The following HADHA variants were observed in gnomAD, a reference collection of about 807,000 sequenced individuals.
HADHA encodes the protein hydroxyacyl-CoA dehydrogenase trifunctional multienzyme complex subunit alpha, also known as trifunctional enzyme subunit alpha, mitochondrial.
HADHA carries 59 observed loss-of-function variants against 91.3 expected under a neutral mutation model. The ratio of observed to expected loss-of-function variants is 0.65; its 90% confidence interval spans 0.52 to 0.80. The LOEUF (loss-of-function observed/expected upper bound fraction) is 0.80, where lower values mean the gene tolerates loss of function less well. Among genes scored for constraint, HADHA ranks in the 30% least tolerant of loss-of-function variants. The pLI is 0.00. For synonymous variants in HADHA, 320 were observed against 338.9 expected (o/e 0.94, Z 0.61); for missense variants, 800 against 927.6 (o/e 0.86, Z 1.79).
chr2:26,216,009 C>G (rs1670210566), intron 7 of HADHA, among the ~76,000 whole-genome samples: 1 of 152,214 alleles, frequency 6.6e-6, no homozygotes, highest in Non-Finnish European at 1.5e-5. Context: ...AGAACAAGTA[C>G]AGTGGTTCAT....
chr2:26,193,125 CG>C (rs1368672521), intron 17 of HADHA, among the ~76,000 whole-genome samples: 2 of 151,758 alleles, frequency 1.3e-5, no homozygotes, highest in Middle Eastern at 6.3e-3. Context: ...TGGTAAAGCC[CG>C]GATGCAGAGC....
intron 10 of HADHA, among the ~76,000 whole-genome samples, chr2:26,211,560 A>C (rs558694247): frequency 6.6e-6 from 1 of 152,340 alleles, no homozygotes; most frequent in African/African-American, 2.4e-5. Flanking sequence ...AATTAATTTC[A>C]TGTTTAGACT....
chr2:26,195,310 A>G, intron 14 of HADHA, 78 bp from the exon 15 acceptor site: 1 of 1,210,576 alleles, frequency 8.3e-7, no homozygotes, highest in Non-Finnish European at 1.2e-6. Flanking sequence ...CTGCTAGGAA[A>G]ACACTAGAAA....
At position 26,201,199 on chromosome 2, in the gene HADHA, C is replaced by T; in HGVS notation, c.1342G>A (p.Val448Met). The change falls in exon 13 of 20, where the codon GTG becomes ATG. Residue 448 changes from valine (V) to methionine (M), a missense_variant. By Grantham distance (21) the Val-to-Met change is conservative. Coordinates refer to ENST00000380649, the MANE Select transcript of HADHA (RefSeq NM_000182.5). ...TGCTTAAGACTAAGGTCCTCAAACA[C>T]AGCTTCAATCACCATGTCGGCCTTT... The part of the protein sequence containing the change: ...FEKADMVIEA[V>M]FEDLSLKHRV... 1 of 1,614,036 alleles carries T rather than the reference C, an allele frequency of 6.2e-7. No individual in the cohort carries two copies. Among genetic ancestry groups the T allele is most frequent in the East Asian group, 2.2e-5 (1 of 44,882 alleles).
At chr2:26,208,255 A>T (rs1361365242) in intron 11 of HADHA, among the ~76,000 whole-genome samples, 1 of 152,124 alleles carries the variant, frequency 6.6e-6, no homozygotes, top group Non-Finnish European at 1.5e-5. Context: ...GAATTTTCAT[A>T]AACTTCAGTA....
chr2:26,191,383 A>G lies in HADHA; in HGVS notation c.2159T>C (p.Phe720Ser). 6.2e-7 allele frequency: 1 copy of G among 1,614,180 alleles called. No individual in the cohort carries two copies. The highest frequency in any genetic ancestry group is 8.5e-7 in the Non-Finnish European group (1 of 1,180,026). Residue 720 changes from phenylalanine (F) to serine (S), a missense_variant, in exon 20 of 20, where the codon TTT becomes TCT. Physicochemically the swap from Phe to Ser is radical, Grantham distance 155. Transcript: ENST00000380649. ...FPPCLGGPFR[F>S]VDLYGAQKIV... ...CTTCTGGGCGCCATACAGATCCACA[A>G]AGCGGAAAGGCCCTGAATAGAGAAA...
intron 10 of HADHA, chr2:26,211,983 A>T (rs1465189514): frequency 6.5e-6 from 1 of 152,812 alleles, no homozygotes; most frequent in Non-Finnish European, 1.5e-5. Flanking sequence ...CACCCAAGTG[A>T]CTTGTTTTGA....
chr2:26,236,873 A>G lies in HADHA; in HGVS notation c.296T>C (p.Ile99Thr). 1.2e-6 allele frequency: 2 copies of G among 1,612,416 alleles called. No individual in the cohort carries two copies. The highest frequency in any genetic ancestry group is 1.7e-6 in the Non-Finnish European group (2 of 1,179,218). Residue 99 changes from isoleucine (I) to threonine (T), a missense_variant, in exon 4 of 20, where the codon ATT (isoleucine) becomes ACT (threonine). Coordinates refer to ENST00000380649, the MANE Select transcript of HADHA (RefSeq NM_000182.5). ...AACTTACTTGATATCAGCACCTGCA[A>G]TAAAGCAGCCTGGCTTTGATGAGAT... Reference protein sequence around the residue: ...VLISSKPGCFIAGADINMLAA... With the variant: ...VLISSKPGCFTAGADINMLAA...
chr2:26,225,747 A>T (rs940461182), intron 7 of HADHA, among the ~76,000 whole-genome samples: 7 of 152,208 alleles, frequency 4.6e-5, no homozygotes, highest in African/African-American at 1.7e-4. Flanking sequence ...AACTAACATC[A>T]TACTTAATAC....
chr2:26,199,694 G>A (rs1398204264), intron 13 of HADHA, among the ~76,000 whole-genome samples: 4 of 152,120 alleles, frequency 2.6e-5, no homozygotes, highest in Non-Finnish European at 4.4e-5. Flanking sequence ...TGTGGGGCCC[G>A]GTAGCCTCTT....
In HADHA at chr2:26,190,707, C is replaced by T. The variant is rs996949511; in HGVS notation, c.*543G>A. On this transcript the variant is annotated 3_prime_UTR_variant, in exon 20 of 20. Transcript: ENST00000380649. ...AGCCTGGGCAAAGCATCTGCACAGACAGGTGTGTGTGGTTGAGCCCACCAG... is the reference window on the plus strand; with the variant it reads ...AGCCTGGGCAAAGCATCTGCACAGATAGGTGTGTGTGGTTGAGCCCACCAG... 8 of 184,084 alleles carry T rather than the reference C, an allele frequency of 4.3e-5. No homozygotes were observed. Among genetic ancestry groups the T allele is most frequent in the Non-Finnish European group, 8.0e-5 (7 of 86,962 alleles). 11.4% of individuals were successfully genotyped at this position (184,084 alleles called of 1,614,324 possible). A position where few individuals can be genotyped will look rare whatever the true frequency, so the allele number is the denominator to read the frequency against.
chr2:26,209,656 C>T, intron 11 of HADHA, 124 bp downstream of exon 11: 3 of 730,298 alleles, frequency 4.1e-6, no homozygotes, highest in Non-Finnish European at 7.5e-6. Context: ...CAAATGTGCT[C>T]AGGAAAGAAG....
intron 1 of HADHA, among the ~76,000 whole-genome samples, chr2:26,241,293 C>T (rs1175985307): frequency 2.6e-5 from 4 of 151,986 alleles, no homozygotes; most frequent in East Asian, 1.9e-4. Flanking sequence ...GGAGAAGCGA[C>T]GAGATTAAGG....
chr2:26,198,983 C>T (rs1340819442), intron 13 of HADHA, among the ~76,000 whole-genome samples: 1 of 152,038 alleles, frequency 6.6e-6, no homozygotes, highest in African/African-American at 2.4e-5. Flanking sequence ...CAAGCTTTGC[C>T]GCCTGGGTTC....
At position 26,217,150 on chromosome 2, in the gene HADHA, G is replaced by A. The variant is rs550212391; in HGVS notation, c.677-1975C>T. ...GTGAGAGGATCACTTGAGCCCAGTA[G>A]CTCAAGGACCAGACTCGGCAAGACC... On this transcript the variant is annotated intron_variant, in intron 7 of 19. Coordinates refer to ENST00000380649, the MANE Select transcript of HADHA (RefSeq NM_000182.5). Among the ~76,000 whole-genome samples the A allele has an allele frequency of 2.0e-5, 3 of 152,044 alleles. No individual in the cohort carries two copies. In the East Asian group the frequency reaches 5.8e-4, roughly 29 times the overall value.
intron 16 of HADHA, among the ~76,000 whole-genome samples, 156 bp from the exon 17 acceptor site, chr2:26,193,928 A>G (rs1004585840): frequency 5.9e-5 from 9 of 152,226 alleles, no homozygotes; most frequent in African/African-American, 2.2e-4. Flanking sequence ...TCAGGGAAGC[A>G]CAAAGAAGTT....
intron 11 of HADHA, among the ~76,000 whole-genome samples, chr2:26,205,213 A>G (rs1317716975): frequency 2.0e-5 from 3 of 152,222 alleles, no homozygotes; most frequent in African/African-American, 7.2e-5. Flanking sequence ...TAAATAACTA[A>G]GAAAAATTTT....
chr2:26,231,968 C>CAA lies in HADHA; in HGVS notation c.573+190_573+191dup, dbSNP rs70950177. 2.7e-3 allele frequency among the ~76,000 whole-genome samples: 249 copies of CAA among 92,362 alleles called. 1 individual carries two copies. Among genetic ancestry groups the CAA allele is most frequent in the African/African-American group, 3.7e-3 (85 of 23,124 alleles). The allele number at this position is 92,362 out of a possible 152,430, so 60.6% of individuals were successfully genotyped here. On this transcript the variant is annotated intron_variant, in intron 6 of 19. Transcript: ENST00000380649. Reference sequence around the variant, plus strand: ...TGGGCTACAGAGCAAGATTTTGTCTCAAAAAAAAAAAAAAAAAAAAATCTG... The same window carrying CAA: ...TGGGCTACAGAGCAAGATTTTGTCTCAAAAAAAAAAAAAAAAAAAAAAATCTG...
At chr2:26,196,952 C>T (rs1465804024) in intron 14 of HADHA, among the ~76,000 whole-genome samples, 2 of 152,152 alleles carry the variant, frequency 1.3e-5, no homozygotes, top group African/African-American at 2.4e-5. Context: ...CTGCTGTGTG[C>T]TAGGAAACTA....
Sources: gnomAD v4.1 joint callset for allele counts (sites outside exome capture counted in the v4.1 genomes callset) on GRCh38, gnomAD v4.1.1 for gene constraint, MANE v1.5 for transcripts, NCBI Gene and HGNC (gene_info 2026-07-23, HGNC 2026-07-21) for gene names.